RAMP1: variants seen among roughly 807,000 people sequenced by gnomAD.
RAMP1 encodes receptor activity-modifying protein 1.
Under a neutral mutation model 8.2 loss-of-function variants are expected in RAMP1, and 7 were observed. The ratio of observed to expected loss-of-function variants is 0.85; its 90% CI spans 0.49 to 1.60. RAMP1 has a LOEUF of 1.60. Ranked by LOEUF, RAMP1 falls within the 40% of genes most tolerant of loss-of-function variation. The pLI is 0.00. For missense variants in RAMP1, 192 were observed against 202.4 expected (o/e 0.95, Z 0.31); for synonymous variants, 92 against 84.7 (o/e 1.09, Z -0.47).
At chr2:237,873,068 C>T (rs2062262852) in intron 1 of RAMP1, among the ~76,000 whole-genome samples, 1 of 152,184 alleles carries the variant, frequency 6.6e-6, no homozygotes, top group Admixed American at 6.5e-5. Context: ...GGGGCTTAAG[C>T]CTGGACTTGG....
Position 237,878,779 on chromosome 2 carries a change from A to C in RAMP1, c.191+1417A>C, listed in dbSNP as rs770983865. 6.6e-6 allele frequency among the ~76,000 whole-genome samples: 1 copy of C among 152,214 alleles called. No homozygotes were observed. The highest frequency in any genetic ancestry group is 1.5e-5 in the Non-Finnish European group (1 of 68,028). On this transcript the variant is annotated intron_variant, in intron 2 of 2. Transcript: ENST00000254661. This position sits in a 1 kb window ranked among gnomAD's most constrained non-coding sequence, Gnocchi z 5.7. ...CAAACTTTTTAAAAAGTAGGAAAGC[A>C]TGGGGTATATGCAGGTGTGCATGCT...
chr2:237,900,694 AT>A (rs1217479511), intron 2 of RAMP1, among the ~76,000 whole-genome samples: 1 of 152,042 alleles, frequency 6.6e-6, no homozygotes, highest in Non-Finnish European at 1.5e-5. Context: ...TTGTAATTGA[AT>A]TTTTAAATTC....
Position 237,899,931 on chromosome 2 carries a change from G to T in RAMP1, c.192-11597G>T, listed in dbSNP as rs147215224. ...TGTCTCAATTAAAAAGAAAAAAAAA[G>T]AATTTGAAAGAACTGCCTGGGATCT... On this transcript the variant is annotated intron_variant, in intron 2 of 2. Transcript: ENST00000254661. Among the ~76,000 whole-genome samples the T allele has an allele frequency of 3.7e-3, 560 of 152,134 alleles. 6 individuals are homozygous for T. The highest frequency in any genetic ancestry group is 0.012 in the African/African-American group (497 of 41,502).
chr2:237,905,003 A>C (rs747521756), intron 2 of RAMP1, among the ~76,000 whole-genome samples: 68 of 152,140 alleles, frequency 4.5e-4, no homozygotes, highest in Non-Finnish European at 8.4e-4. Flanking sequence ...TCTTACCAGC[A>C]AGTAACCATG....
At position 237,863,502 on chromosome 2, in the gene RAMP1, C is replaced by A. The variant is rs57725361; in HGVS notation, c.52+3775C>A. Among the ~76,000 whole-genome samples the A allele has an allele frequency of 4.9e-3, 744 of 152,310 alleles. 7 individuals carry two copies. Among genetic ancestry groups the A allele is most frequent in the African/African-American group, 0.017 (705 of 41,560 alleles). ...CCTTAGTGAGGAGGATGCGTCAACA[C>A]GGCCACCATAGGAGGGCTCCCAGCC... On this transcript the variant is annotated intron_variant, in intron 1 of 2. Coordinates refer to ENST00000254661, the MANE Select transcript of RAMP1 (RefSeq NM_005855.4).
Position 237,865,281 on chromosome 2 carries a change from GGGAGAGCAGGGGAGA to G in RAMP1, c.52+5561_52+5575del, listed in dbSNP as rs995971635. ...GGGAGAAGAGAGGAGAGGAGGGGAG[GGGAGAGCAGGGGAGA>G]GGAGAGGAGGGGAGGGCAGGGGAGA... On this transcript the variant is annotated intron_variant, in intron 1 of 2. Coordinates refer to ENST00000254661, the MANE Select transcript of RAMP1 (RefSeq NM_005855.4). The surrounding 1 kb of genome is among the most constrained non-coding windows in gnomAD (Gnocchi z 4.2). 2.9e-5 allele frequency among the ~76,000 whole-genome samples: 4 copies of G among 139,790 alleles called. No homozygotes were observed. Among genetic ancestry groups the G allele is most frequent in the Non-Finnish European group, 6.3e-5 (4 of 63,816 alleles). 91.7% of individuals were successfully genotyped at this position (139,790 alleles called of 152,430 possible).
rs201556192 is a variant in RAMP1 at position 237,910,825 on chromosome 2, TCACA to T, written c.192-700_192-697del. 9.9e-3 allele frequency among the ~76,000 whole-genome samples: 1,354 copies of T among 137,070 alleles called. 22 individuals carry two copies. Among genetic ancestry groups the T allele is most frequent in the African/African-American group, 0.036 (1,298 of 35,842 alleles). 89.9% of individuals were successfully genotyped at this position (137,070 alleles called of 152,430 possible). ...CACACAGTCACAAAGAGAATAATAG[TCACA>T]CAGTCACATGCAGAATAACACAGTT... On this transcript the variant is annotated intron_variant, in intron 2 of 2. Coordinates refer to ENST00000254661, the MANE Select transcript of RAMP1 (RefSeq NM_005855.4).
intron 2 of RAMP1, among the ~76,000 whole-genome samples, chr2:237,881,702 C>T (rs1020294296): frequency 6.6e-6 from 1 of 152,160 alleles, no homozygotes; most frequent in Admixed American, 6.5e-5. Flanking sequence ...GTTTACAGGC[C>T]GTTCTTTTAT....
chr2:237,879,922 G>A (rs1267222082), intron 2 of RAMP1, among the ~76,000 whole-genome samples: 1 of 147,844 alleles, frequency 6.8e-6, no homozygotes, highest in Non-Finnish European at 1.5e-5. Context: ...CCCAGGAGGC[G>A]GAGGTTGCCG....
chr2:237,902,902 A>G (rs770541495), intron 2 of RAMP1, among the ~76,000 whole-genome samples: 8 of 152,224 alleles, frequency 5.3e-5, no homozygotes, highest in Admixed American at 4.6e-4. Context: ...TCGTGTTATT[A>G]CCATTCTGGT....
At chr2:237,879,958 C>T (rs1292345260) in intron 2 of RAMP1, among the ~76,000 whole-genome samples, 1 of 141,994 alleles carries the variant, frequency 7.0e-6, no homozygotes, top group Non-Finnish European at 1.5e-5. Flanking sequence ...CCACTGCACT[C>T]CAGCCTGAGG....
chr2:237,875,403 G>C (rs1344891660), intron 1 of RAMP1, among the ~76,000 whole-genome samples: 2 of 152,094 alleles, frequency 1.3e-5, no homozygotes, highest in Non-Finnish European at 2.9e-5. Context: ...GGAGGAGGCT[G>C]TTCTGCCCTC....
intron 1 of RAMP1, among the ~76,000 whole-genome samples, chr2:237,869,498 T>A (rs1307795931): frequency 6.6e-6 from 1 of 152,228 alleles, no homozygotes; most frequent in African/African-American, 2.4e-5. Context: ...TTTCTGTCTC[T>A]GACTACTCTA....
At chr2:237,880,238 A>G (rs2062354528) in intron 2 of RAMP1, among the ~76,000 whole-genome samples, 1 of 152,146 alleles carries the variant, frequency 6.6e-6, no homozygotes, top group Admixed American at 6.5e-5. Flanking sequence ...GAGATGCGGG[A>G]TCATCCCGGG....
chr2:237,880,930 G>T (rs1382337468), intron 2 of RAMP1, among the ~76,000 whole-genome samples: 1 of 152,132 alleles, frequency 6.6e-6, no homozygotes, highest in Admixed American at 6.5e-5. Context: ...CATCACACTG[G>T]TTCCAGGGGC....
At chr2:237,895,240 G>A (rs552889934) in intron 2 of RAMP1, among the ~76,000 whole-genome samples, 2 of 152,146 alleles carry the variant, frequency 1.3e-5, no homozygotes, top group Admixed American at 1.3e-4. Context: ...GCAGGGCAGC[G>A]CGAGTCACAT....
At chr2:237,861,536 C>T (rs2062132779) in intron 1 of RAMP1, among the ~76,000 whole-genome samples, 1 of 152,112 alleles carries the variant, frequency 6.6e-6, no homozygotes, top group African/African-American at 2.4e-5. Flanking sequence ...AGCTATTTGT[C>T]TTAGGTAGTT....
intron 2 of RAMP1, among the ~76,000 whole-genome samples, chr2:237,895,907 G>A (rs1262309364): frequency 6.6e-6 from 1 of 152,176 alleles, no homozygotes; most frequent in Non-Finnish European, 1.5e-5. Flanking sequence ...CCGTGAGGTG[G>A]GAACCCTGGG....
intron 2 of RAMP1, among the ~76,000 whole-genome samples, chr2:237,886,362 A>G (rs2062433021): frequency 6.6e-6 from 1 of 152,178 alleles, no homozygotes; most frequent in Admixed American, 6.5e-5. Flanking sequence ...TGTTCAGGTC[A>G]GGGGTTGCCT....
Sources: gnomAD v4.1 joint callset for allele counts (sites outside exome capture counted in the v4.1 genomes callset) on GRCh38, gnomAD v4.1.1 for gene constraint, Gnocchi (gnomAD v3.1) non-coding constraint, MANE v1.5 for transcripts, NCBI Gene and HGNC (gene_info 2026-07-23, HGNC 2026-07-21) for gene names.